ATF1: variants seen among roughly 807,000 people sequenced by gnomAD.
ATF1 encodes activating transcription factor 1, also known as cyclic AMP-dependent transcription factor ATF-1.
In ATF1, 16 loss-of-function variants were observed where a neutral mutation model predicts 34.7. The observed-to-expected ratio is 0.46, with a 90% CI of 0.31 to 0.70. ATF1 has a LOEUF of 0.70. Ranked by LOEUF, ATF1 falls within the 30% of genes least tolerant of loss-of-function variation. The pLI is 0.05. For missense variants in ATF1, 255 were observed against 321.6 expected (o/e 0.79, Z 1.58); for synonymous variants, 105 against 113.1 (o/e 0.93, Z 0.46).
At chr12:50,804,566 C>G (rs1236139877) in intron 3 of ATF1, among the ~76,000 whole-genome samples, 1 of 152,020 alleles carries the variant, frequency 6.6e-6, no homozygotes, top group Non-Finnish European at 1.5e-5. Flanking sequence ...GCCTCTGGTC[C>G]CAGCTGCCCA....
intron 6 of ATF1, among the ~76,000 whole-genome samples, chr12:50,818,833 T>C (rs1448796950): frequency 1.3e-5 from 2 of 152,162 alleles, no homozygotes. Context: ...CTCGAACTCC[T>C]GACCTCAGGT....
intron 1 of ATF1, among the ~76,000 whole-genome samples, chr12:50,777,564 C>T (rs1161829964): frequency 1.3e-5 from 2 of 152,052 alleles, no homozygotes; most frequent in Non-Finnish European, 2.9e-5. Flanking sequence ...TTACTTGAGC[C>T]TACGCATTCA....
chr12:50,797,591 C>T (rs933473133), intron 3 of ATF1, among the ~76,000 whole-genome samples: 6 of 152,148 alleles, frequency 3.9e-5, no homozygotes, highest in African/African-American at 1.4e-4. Flanking sequence ...TCCTCAGCCT[C>T]CTGAGTACCT....
At chr12:50,814,722 G>C (rs1004947872) in intron 6 of ATF1, among the ~76,000 whole-genome samples, 1 of 151,742 alleles carries the variant, frequency 6.6e-6, no homozygotes, top group Admixed American at 6.6e-5. Context: ...ATGCAATTAT[G>C]TATAGAACAT....
At chr12:50,803,308 A>G (rs1274315652) in intron 3 of ATF1, among the ~76,000 whole-genome samples, 1 of 152,026 alleles carries the variant, frequency 6.6e-6, no homozygotes, top group African/African-American at 2.4e-5. Flanking sequence ...AAATTTCTCC[A>G]AAGAAGATAA....
chr12:50,790,197 A>ATTTT (rs71086483), intron 2 of ATF1, among the ~76,000 whole-genome samples: 16 of 119,374 alleles, frequency 1.3e-4, no homozygotes, highest in Non-Finnish European at 2.4e-4. Context: ...TGTGGGTTCT[A>ATTTT]TTTTTTTTTT....
intron 1 of ATF1, among the ~76,000 whole-genome samples, chr12:50,774,775 T>G (rs1279895251): frequency 6.7e-6 from 1 of 148,224 alleles, no homozygotes; most frequent in Non-Finnish European, 1.5e-5. Flanking sequence ...TGAGACGGAG[T>G]CTCACTCTGT....
intron 1 of ATF1, among the ~76,000 whole-genome samples, chr12:50,774,783 T>C (rs1940871488): frequency 6.6e-6 from 1 of 150,920 alleles, no homozygotes; most frequent in Non-Finnish European, 1.5e-5. Context: ...AGTCTCACTC[T>C]GTCGCCCAGG....
At chr12:50,812,763 A>G (rs751796960) in intron 4 of ATF1, among the ~76,000 whole-genome samples, 1 of 152,070 alleles carries the variant, frequency 6.6e-6, no homozygotes, top group Non-Finnish European at 1.5e-5. Context: ...GGTAGAGTGC[A>G]GTGGTGAACC....
At chr12:50,790,581 A>C (rs1011940062) in intron 2 of ATF1, among the ~76,000 whole-genome samples, 1 of 152,142 alleles carries the variant, frequency 6.6e-6, no homozygotes, top group Middle Eastern at 3.2e-3. Context: ...TAAAGGCAGC[A>C]AGACAGATTT....
intron 4 of ATF1, among the ~76,000 whole-genome samples, chr12:50,810,462 T>C (rs1260586250): frequency 6.7e-6 from 1 of 149,054 alleles, no homozygotes; most frequent in Middle Eastern, 3.4e-3. Context: ...CTGAAGTGAT[T>C]CACCCACCTT....
At chr12:50,786,041 GC>G (rs1347596182) in intron 2 of ATF1, among the ~76,000 whole-genome samples, 6 of 152,174 alleles carry the variant, frequency 3.9e-5, no homozygotes, top group Admixed American at 3.9e-4. Flanking sequence ...ACCAGGAGCT[GC>G]AGATCATGGG....
chr12:50,803,549 T>G (rs1295200409), intron 3 of ATF1, among the ~76,000 whole-genome samples: 3 of 151,688 alleles, frequency 2.0e-5, no homozygotes, highest in African/African-American at 7.3e-5. Context: ...CTGGCAGTTC[T>G]TCAGAATACT....
At chr12:50,818,690 A>G (rs1238739695) in intron 6 of ATF1, among the ~76,000 whole-genome samples, 2 of 151,684 alleles carry the variant, frequency 1.3e-5, no homozygotes, top group Non-Finnish European at 2.9e-5. Flanking sequence ...GCTCACTGCA[A>G]CCTCCACCTC....
At chr12:50,770,655 A>G (rs1335494483) in intron 1 of ATF1, among the ~76,000 whole-genome samples, 5 of 152,252 alleles carry the variant, frequency 3.3e-5, no homozygotes, top group African/African-American at 1.2e-4. Context: ...CAGTCTTACC[A>G]TAATTTGTCT....
chr12:50,819,559 A>AAATT (rs1165189824), intron 6 of ATF1, 76 bp from the exon 7 acceptor site: 36 of 1,526,412 alleles, frequency 2.4e-5, no homozygotes, highest in Middle Eastern at 2.3e-4. Context: ...TGACCACGGA[A>AAATT]AATTACTGAA....
chr12:50,805,616 G>GGTTCTTA (rs900500077), intron 3 of ATF1, among the ~76,000 whole-genome samples: 13 of 150,450 alleles, frequency 8.6e-5, no homozygotes, highest in African/African-American at 2.9e-4. Flanking sequence ...GTGACCAAAT[G>GGTTCTTA]GTTCTTAGGT....
At chr12:50,775,566 T>G (rs1025239096) in intron 1 of ATF1, 2 of 144,292 alleles carry the variant, frequency 1.4e-5, no homozygotes, top group Non-Finnish European at 3.1e-5. Flanking sequence ...ATTAAAATTG[T>G]TTTTTTTTTT....
At chr12:50,781,443 T>C (rs1941058350) in intron 2 of ATF1, among the ~76,000 whole-genome samples, 1 of 151,916 alleles carries the variant, frequency 6.6e-6, no homozygotes, top group African/African-American at 2.4e-5. Flanking sequence ...TTAGAGTTGT[T>C]TTCTTTGTTT....
Sources: gnomAD v4.1 joint callset for allele counts (sites outside exome capture counted in the v4.1 genomes callset) on GRCh38, gnomAD v4.1.1 for gene constraint, MANE v1.5 for transcripts, NCBI Gene and HGNC (gene_info 2026-07-23, HGNC 2026-07-21) for gene names.